Variants in ATAD1 observed in about 807,000 individuals in gnomAD.
The protein encoded by ATAD1 is outer mitochondrial transmembrane helix translocase.
In ATAD1, 18 loss-of-function variants were observed where a neutral mutation model predicts 42.7. That is an observed-to-expected ratio of 0.42 (90% confidence interval 0.29 to 0.63). The LOEUF (loss-of-function observed/expected upper bound fraction) is 0.63. ATAD1 is among the 20% of genes least tolerant of loss of function. ATAD1 has a pLI of 0.19. For missense variants in ATAD1, 294 were observed against 440.4 expected (o/e 0.67, Z 2.98); for synonymous variants, 132 against 143.1 (o/e 0.92, Z 0.55).
intron 2 of ATAD1, among the ~76,000 whole-genome samples, chr10:87,805,324 A>T (rs1163159055): frequency 6.6e-6 from 1 of 152,204 alleles, no homozygotes; most frequent in Non-Finnish European, 1.5e-5. Flanking sequence ...TCACACAGTC[A>T]TTACTTTAAT....
chr10:87,835,897 C>T (rs1037252795), intron 1 of ATAD1, among the ~76,000 whole-genome samples: 2 of 152,058 alleles, frequency 1.3e-5, no homozygotes, highest in African/African-American at 4.8e-5. Flanking sequence ...TATTTTATAA[C>T]TTCAAGGGGG....
At chr10:87,792,186 A>T (rs368729710) in intron 3 of ATAD1, among the ~76,000 whole-genome samples, 1 of 152,220 alleles carries the variant, frequency 6.6e-6, no homozygotes, top group Non-Finnish European at 1.5e-5. Context: ...TTTCTTGACA[A>T]GAACAGCTCA....
At chr10:87,814,684 C>T in intron 1 of ATAD1, 72 bp from the exon 2 acceptor site, 1 of 1,183,324 alleles carries the variant, frequency 8.5e-7, no homozygotes, top group Non-Finnish European at 1.1e-6. Context: ...AACAAAGTAG[C>T]TTAAACTAAG....
intron 2 of ATAD1, 103 bp from the exon 3 acceptor site, chr10:87,792,858 T>C (rs1589519977): frequency 3.6e-6 from 3 of 830,440 alleles, no homozygotes; most frequent in East Asian, 2.6e-5. Context: ...CAGATAGATA[T>C]ACAAGAAATT....
intron 2 of ATAD1, among the ~76,000 whole-genome samples, chr10:87,807,209 C>T (rs897076084): frequency 8.6e-5 from 13 of 151,870 alleles, no homozygotes; most frequent in African/African-American, 3.1e-4. Flanking sequence ...GTGCATATAC[C>T]AACATTTATA....
rs535144224 is a variant in ATAD1 at position 87,798,145 on chromosome 10, T to A, written c.163-5390A>T. ...TGAGCCCTCTCAGAGGTCATGGACC[T>A]CTGGAGAGAGAAACCAAGACATGTA... On this transcript the variant is annotated intron_variant, in intron 2 of 9. Coordinates refer to ENST00000680024, the MANE Select transcript of ATAD1 (RefSeq NM_001321967.2). Among the ~76,000 whole-genome samples the A allele has an allele frequency of 3.9e-5, 6 of 152,278 alleles. No homozygotes were observed. In the South Asian group the frequency reaches 1.2e-3, roughly 32 times the overall value.
chr10:87,836,464 G>C (rs1857931738), intron 1 of ATAD1, among the ~76,000 whole-genome samples: 1 of 152,120 alleles, frequency 6.6e-6, no homozygotes, highest in African/African-American at 2.4e-5. Flanking sequence ...ATAGAATTCT[G>C]GGTTGACAGG....
chr10:87,779,807 C>T (rs1005066613), intron 5 of ATAD1, among the ~76,000 whole-genome samples: 1 of 151,844 alleles, frequency 6.6e-6, no homozygotes, highest in African/African-American at 2.4e-5. Context: ...GCTAAAAATC[C>T]CCAAAATTAA....
chr10:87,772,059 G>A (rs997004733), intron 6 of ATAD1, among the ~76,000 whole-genome samples: 3 of 152,136 alleles, frequency 2.0e-5, no homozygotes, highest in African/African-American at 7.2e-5. Flanking sequence ...TCAATTAACT[G>A]TGAGAGTTTG....
chr10:87,757,139 T>TA (rs1247991836), intron 8 of ATAD1, among the ~76,000 whole-genome samples: 2 of 152,018 alleles, frequency 1.3e-5, no homozygotes, highest in Non-Finnish European at 2.9e-5. Context: ...TATTACTAGA[T>TA]ACACTGTAGA....
At chr10:87,770,878 T>G in intron 7 of ATAD1, 74 bp downstream of exon 7, 1 of 1,352,606 alleles carries the variant, frequency 7.4e-7, no homozygotes, top group Non-Finnish European at 1.0e-6. Context: ...AATATTCCCT[T>G]CTTAAAATTA....
At chr10:87,779,318 A>C (rs1317619042) in intron 5 of ATAD1, among the ~76,000 whole-genome samples, 1 of 151,992 alleles carries the variant, frequency 6.6e-6, no homozygotes, top group African/African-American at 2.4e-5. Context: ...ATAAAATAAA[A>C]TAAAACAAAA....
intron 2 of ATAD1, among the ~76,000 whole-genome samples, chr10:87,804,012 G>A (rs1856816434): frequency 6.6e-6 from 1 of 152,058 alleles, no homozygotes; most frequent in Non-Finnish European, 1.5e-5. Context: ...GTAAACCTTG[G>A]GTTTAAAAGC....
rs34393674 is a variant in ATAD1 at position 87,833,656 on chromosome 10, AT to A, written c.-14+7530del. Among the ~76,000 whole-genome samples, 1,017 of 138,000 alleles carry A rather than the reference AT, an allele frequency of 7.4e-3. 9 individuals are homozygous for A. Among genetic ancestry groups the A allele is most frequent in the African/African-American group, 0.023 (865 of 36,954 alleles). The allele number at this position is 138,000 out of a possible 152,430, so 90.5% of individuals were successfully genotyped here. On this transcript the variant is annotated intron_variant, in intron 1 of 4. Coordinates refer to the ATAD1 transcript ENST00000495903. ...CCCCTTCTACCCTCGTCTGCTGAGA[AT>A]TTTTTTTTTTTAATCTGAATGGATG...
At chr10:87,809,344 G>A (rs568050033) in intron 2 of ATAD1, among the ~76,000 whole-genome samples, 66 of 152,202 alleles carry the variant, frequency 4.3e-4, no homozygotes, top group Non-Finnish European at 8.4e-4. Context: ...TTGCAATAAA[G>A]TAACCTAGAG....
At chr10:87,763,746 A>G (rs1281312355) in intron 8 of ATAD1, among the ~76,000 whole-genome samples, 1 of 151,886 alleles carries the variant, frequency 6.6e-6, no homozygotes, top group African/African-American at 2.4e-5. Flanking sequence ...GTTACATGGA[A>G]CTCTGCTTGA....
chr10:87,787,070 T>C (rs1855873074), intron 4 of ATAD1, among the ~76,000 whole-genome samples: 1 of 152,180 alleles, frequency 6.6e-6, no homozygotes, highest in South Asian at 2.1e-4. Context: ...CCTAAAATGG[T>C]CTCCACAGTG....
At chr10:87,828,254 T>C (rs1406986111) in intron 1 of ATAD1, among the ~76,000 whole-genome samples, 3 of 152,172 alleles carry the variant, frequency 2.0e-5, no homozygotes, top group African/African-American at 7.2e-5. Flanking sequence ...TCAGCAACTG[T>C]GTCTGGCCTA....
chr10:87,778,849 T>A lies in ATAD1; in HGVS notation c.584-2422A>T, dbSNP rs573386658. On this transcript the variant is annotated intron_variant, in intron 5 of 9. Coordinates refer to ENST00000680024, the MANE Select transcript of ATAD1 (RefSeq NM_001321967.2). Reference sequence around the variant, plus strand: ...GGCAAAAAAACGGACCAACACAGACTGTAATTTTCACAAAAATTAACACAA... The same window carrying A: ...GGCAAAAAAACGGACCAACACAGACAGTAATTTTCACAAAAATTAACACAA... Among the ~76,000 whole-genome samples the A allele has an allele frequency of 7.4e-4, 112 of 152,264 alleles. 1 individual carries two copies. The South Asian group carries it at 0.022, about 30-fold the overall frequency.
Sources: gnomAD v4.1 joint callset for allele counts (sites outside exome capture counted in the v4.1 genomes callset) on GRCh38, gnomAD v4.1.1 for gene constraint, MANE v1.5 for transcripts, NCBI Gene and HGNC (gene_info 2026-07-23, HGNC 2026-07-21) for gene names.